SRSF11: variants seen among roughly 807,000 people sequenced by gnomAD.
SRSF11 encodes serine and arginine rich splicing factor 11, also known as serine/arginine-rich splicing factor 11.
Under a neutral mutation model 56.0 loss-of-function variants are expected in SRSF11, and 9 were observed. That is an observed-to-expected ratio of 0.16 (90% CI 0.10 to 0.28). The LOEUF (loss-of-function observed/expected upper bound fraction) is 0.28, where lower values mean the gene tolerates loss of function less well. SRSF11 is among the 10% of genes least tolerant of loss of function. The pLI is 1.00. For synonymous variants in SRSF11, 222 were observed against 215.3 expected (o/e 1.03, Z -0.27); for missense variants, 421 against 600.7 (o/e 0.70, Z 3.13).
intron 2 of SRSF11, chr1:70,230,490 G>A (rs1467483221): frequency 8.1e-7 from 1 of 1,234,414 alleles, no homozygotes; most frequent in Non-Finnish European, 1.0e-6. Flanking sequence ...GGATTTTTTA[G>A]GTTCCTTGGT....
chr1:70,227,402 C>G (rs1558169649), intron 1 of SRSF11, among the ~76,000 whole-genome samples: 1 of 152,070 alleles, frequency 6.6e-6, no homozygotes, highest in African/African-American at 2.4e-5. Flanking sequence ...ATAAAATTGT[C>G]AGAGAGAATT....
chr1:70,207,251 T>G (rs188585743), intron 1 of SRSF11, among the ~76,000 whole-genome samples: 1 of 152,214 alleles, frequency 6.6e-6, no homozygotes, highest in Non-Finnish European at 1.5e-5. Flanking sequence ...AGGTCCCTGG[T>G]CAGCTTGTCT....
At chr1:70,223,439 T>G (rs1389942316) in intron 1 of SRSF11, among the ~76,000 whole-genome samples, 2 of 152,230 alleles carry the variant, frequency 1.3e-5, no homozygotes, top group Admixed American at 1.3e-4. Context: ...GACCAGAGTC[T>G]TTTTGTTTTG....
chr1:70,250,587 T>C (rs1360331855), intron 11 of SRSF11, 21 bp from the exon 12 acceptor site: 1 of 1,610,858 alleles, frequency 6.2e-7, no homozygotes, highest in African/African-American at 1.3e-5. Flanking sequence ...AAGTTTACTT[T>C]TATTATTCTC....
At chr1:70,245,168 C>T (rs1191066564) in intron 8 of SRSF11, among the ~76,000 whole-genome samples, 1 of 152,012 alleles carries the variant, frequency 6.6e-6, no homozygotes, top group African/African-American at 2.4e-5. Flanking sequence ...ATTAGTATGC[C>T]CCCAGTCATT....
At position 70,244,829 on chromosome 1, in the gene SRSF11, T is replaced by C. The variant is rs772791427; in HGVS notation, c.932+14T>C. ...ATCAAAAACAAGGTATAGCATTGGG[T>C]GAGAAAGCAAATTTTAGGGTTCCCA... On this transcript the variant is annotated intron_variant, in intron 8 of 11. Transcript: ENST00000370949. 46 of 1,613,136 alleles carry C rather than the reference T, an allele frequency of 2.9e-5. No homozygotes were observed. The Admixed American group carries it at 7.7e-4, about 27-fold the overall frequency.
chr1:70,216,150 AT>A (rs1669979483), intron 1 of SRSF11, among the ~76,000 whole-genome samples: 1 of 152,190 alleles, frequency 6.6e-6, no homozygotes, highest in African/African-American at 2.4e-5. Flanking sequence ...GAAGCTTGAG[AT>A]GGAAAAGAAC....
chr1:70,250,802 C>T lies in SRSF11; in HGVS notation c.1452C>T (p.Asp484=). 6.2e-7 allele frequency: 1 copy of T among 1,613,552 alleles called. No individual in the cohort carries two copies. The stretch of plus-strand genomic sequence containing the variant: ...ATGAAGAAGACATGGATATGAGTGA[C>T]TGAATATTGCCTCTGAGGGAGTCCA... ...DHHEEDMDMS[D] is the part of the protein sequence containing the mutation. The change falls in exon 12 of 12, where the codon GAC becomes GAT. Residue 484 remains aspartate, a synonymous_variant. Transcript: ENST00000370949.
intron 8 of SRSF11, among the ~76,000 whole-genome samples, chr1:70,246,249 T>G (rs993250252): frequency 9.3e-5 from 14 of 151,100 alleles, no homozygotes; most frequent in Non-Finnish European, 4.4e-5. Context: ...GAGTAAAAAT[T>G]TATAGGAATC....
At chr1:70,207,192 T>A (rs1032332647) in intron 1 of SRSF11, among the ~76,000 whole-genome samples, 2 of 152,100 alleles carry the variant, frequency 1.3e-5, no homozygotes, top group African/African-American at 4.8e-5. Context: ...GTGCCCAGCC[T>A]GAGTTTTAAA....
chr1:70,250,229 A>C, intron 10 of SRSF11, 136 bp from the exon 11 acceptor site: 1 of 1,410,006 alleles, frequency 7.1e-7, no homozygotes, highest in South Asian at 1.4e-5. Flanking sequence ...TAAACAAGTT[A>C]GTTTTGTAGC....
chr1:70,212,825 T>C (rs1282429814), intron 1 of SRSF11, among the ~76,000 whole-genome samples: 1 of 152,150 alleles, frequency 6.6e-6, no homozygotes, highest in Admixed American at 6.5e-5. Context: ...ATCCCAGCAC[T>C]TTGGGATGCC....
chr1:70,245,086 C>T (rs1226500733), intron 8 of SRSF11, among the ~76,000 whole-genome samples: 1 of 152,174 alleles, frequency 6.6e-6, no homozygotes, highest in Non-Finnish European at 1.5e-5. Flanking sequence ...ATAAGAAATA[C>T]CGTAACGTTT....
chr1:70,245,811 C>CA (rs1302363090), intron 8 of SRSF11, among the ~76,000 whole-genome samples: 9 of 152,128 alleles, frequency 5.9e-5, no homozygotes, highest in Non-Finnish European at 1.0e-4. Flanking sequence ...GCACTTGATC[C>CA]AGGAGGCAAC....
intron 1 of SRSF11, among the ~76,000 whole-genome samples, chr1:70,226,010 G>A (rs550418745): frequency 3.9e-5 from 6 of 152,120 alleles, no homozygotes; most frequent in Middle Eastern, 6.8e-3. Flanking sequence ...GACTAACATG[G>A]TGAAACCCCA....
intron 3 of SRSF11, among the ~76,000 whole-genome samples, chr1:70,233,305 C>T (rs1673240186): frequency 6.6e-6 from 1 of 152,022 alleles, no homozygotes; most frequent in Non-Finnish European, 1.5e-5. Flanking sequence ...AGTGCAATAG[C>T]ACAGTCTCGG....
At chr1:70,210,834 G>GT (rs1669500596) in intron 1 of SRSF11, among the ~76,000 whole-genome samples, 1 of 151,676 alleles carries the variant, frequency 6.6e-6, no homozygotes, top group Non-Finnish European at 1.5e-5. Flanking sequence ...TTAAATGTTA[G>GT]TTTTATTTAC....
At chr1:70,237,602 T>C in intron 6 of SRSF11, 50 bp downstream of exon 6, 1 of 1,598,678 alleles carries the variant, frequency 6.3e-7, no homozygotes, top group Non-Finnish European at 8.5e-7. Context: ...CAAAAATGAT[T>C]TTGACATAAA....
chr1:70,231,803 C>T, intron 2 of SRSF11: 2 of 1,367,946 alleles, frequency 1.5e-6, no homozygotes, highest in Middle Eastern at 2.0e-4. Context: ...TATTATTAAC[C>T]CCTAAATCAA....
Sources: gnomAD v4.1 joint callset for allele counts (sites outside exome capture counted in the v4.1 genomes callset) on GRCh38, gnomAD v4.1.1 for gene constraint, MANE v1.5 for transcripts, NCBI Gene and HGNC (gene_info 2026-07-23, HGNC 2026-07-21) for gene names.